HEXA: variants seen among roughly 807,000 people sequenced by gnomAD.
HEXA encodes hexosaminidase subunit alpha.
A neutral mutation model predicts 73.3 loss-of-function variants in HEXA; 54 were observed. That is an observed-to-expected ratio of 0.74 (90% CI 0.59 to 0.92). The LOEUF (loss-of-function observed/expected upper bound fraction) is 0.92, where lower values mean the gene tolerates loss of function less well. Among genes scored for constraint, HEXA ranks in the 40% least tolerant of loss-of-function variants. HEXA has a pLI of 0.00. For missense variants in HEXA, 649 were observed against 653.0 expected (o/e 0.99, Z 0.07); for synonymous variants, 230 against 246.9 (o/e 0.93, Z 0.64).
At chr15:72,359,781 A>C (rs539950851) in intron 1 of HEXA, 6 of 149,586 alleles carry the variant, frequency 4.0e-5, no homozygotes, top group Non-Finnish European at 7.4e-5. Context: ...GAAAATATTT[A>C]CGATTAAAAA....
chr15:72,356,509 A>G lies in HEXA; in HGVS notation c.346+16T>C. ...AGTGTTTGCTCTTCTAAGACAGGGA[A>G]CAGGATGGTACTTACAATTCTCCAC... On this transcript the variant is annotated intron_variant, in intron 2 of 13. Transcript: ENST00000268097. 6.2e-7 allele frequency: 1 copy of G among 1,613,772 alleles called. No homozygotes were observed. The highest frequency in any genetic ancestry group is 8.5e-7 in the Non-Finnish European group (1 of 1,179,820).
intron 1 of HEXA, among the ~76,000 whole-genome samples, chr15:72,361,839 C>T (rs535713856): frequency 4.6e-4 from 70 of 152,354 alleles, no homozygotes; most frequent in Non-Finnish European, 8.7e-4. Context: ...CCCAGCCCCA[C>T]TGGGCCAAAG....
intron 1 of HEXA, chr15:72,358,572 C>T (rs1170849500): frequency 1.3e-5 from 2 of 152,164 alleles, no homozygotes; most frequent in Admixed American, 1.3e-4. Context: ...AATAGGAAAA[C>T]ACTTTTTTTC....
intron 1 of HEXA, among the ~76,000 whole-genome samples, chr15:72,374,498 A>G (rs2089033082): frequency 6.6e-6 from 1 of 152,082 alleles, no homozygotes; most frequent in Non-Finnish European, 1.5e-5. Flanking sequence ...TATATATCAA[A>G]TGATAACTTT....
chr15:72,346,584 T>C lies in HEXA; in HGVS notation c.1273A>G (p.Ile425Val), dbSNP rs2088617363. The C allele has an allele frequency of 1.2e-6, 2 of 1,613,840 alleles. No individual in the cohort carries two copies. The highest frequency in any genetic ancestry group is 4.5e-5 in the East Asian group (2 of 44,884). ...LLSAPWYLNR[I>V]SYGPDWKDFY... ...TCCTTCCAGTCAGGGCCATAGGATA[T>C]ACGGTTCAGGTACCAGGGGGCAGAG... Residue 425 changes from isoleucine to valine, a missense_variant, in exon 11 of 14, where the codon ATA (isoleucine) becomes GTA (valine). Ile to Val is a conservative substitution (Grantham distance 29). Transcript: ENST00000268097.
At chr15:72,346,200 G>A in intron 12 of HEXA, 35 bp downstream of exon 12, 1 of 1,517,072 alleles carries the variant, frequency 6.6e-7, no homozygotes, top group Non-Finnish European at 9.1e-7. Context: ...CTGCTCTCAG[G>A]CCCAACCCTC....
intron 1 of HEXA, among the ~76,000 whole-genome samples, chr15:72,369,663 G>A (rs972991163): frequency 6.6e-6 from 1 of 152,114 alleles, no homozygotes; most frequent in Admixed American, 6.6e-5. Flanking sequence ...TCAGCCTCTG[G>A]AGTAGCTGGG....
In HEXA at chr15:72,343,925, G is replaced by C; in HGVS notation, c.*152C>G. 1.5e-6 allele frequency: 1 copy of C among 664,508 alleles called. No homozygotes were observed. Among genetic ancestry groups the C allele is most frequent in the Non-Finnish European group, 2.7e-6 (1 of 366,644 alleles). 41.2% of individuals were successfully genotyped at this position (664,508 alleles called of 1,614,324 possible). On this transcript the variant is annotated 3_prime_UTR_variant, in exon 14 of 14. Coordinates refer to ENST00000268097, the MANE Select transcript of HEXA (RefSeq NM_000520.6). ...TGCCACATTACTCTTTATTGAATGCGAGCGCCAGCACCGGCCCCTTTCTCT... is the reference window on the plus strand; with the variant it reads ...TGCCACATTACTCTTTATTGAATGCCAGCGCCAGCACCGGCCCCTTTCTCT...
intron 1 of HEXA, among the ~76,000 whole-genome samples, chr15:72,367,011 T>C (rs532413144): frequency 1.3e-5 from 2 of 152,128 alleles, no homozygotes; most frequent in South Asian, 2.1e-4. Context: ...TGGCGCACTC[T>C]CGGCTCACTG....
intron 12 of HEXA, 117 bp from the exon 13 acceptor site, chr15:72,345,667 T>TG: frequency 6.5e-7 from 1 of 1,528,596 alleles, no homozygotes; most frequent in Middle Eastern, 2.2e-4. Context: ...CCAAAGGAAG[T>TG]GATCAATACC....
chr15:72,346,124 C>G (rs2088609230), intron 12 of HEXA, 111 bp downstream of exon 12: 1 of 774,374 alleles, frequency 1.3e-6, no homozygotes, highest in African/African-American at 1.7e-5. Flanking sequence ...TGCTCTCTCT[C>G]AGGCCTGAAA....
intron 13 of HEXA, among the ~76,000 whole-genome samples, chr15:72,344,540 T>A (rs1305679136): frequency 1.3e-5 from 2 of 152,188 alleles, no homozygotes; most frequent in Non-Finnish European, 1.5e-5. Context: ...GTAAATATGG[T>A]GGCACTGGGG....
At chr15:72,353,828 C>T in intron 3 of HEXA, 91 bp from the exon 4 acceptor site, 1 of 933,528 alleles carries the variant, frequency 1.1e-6, no homozygotes, top group South Asian at 1.3e-5. Flanking sequence ...CAGAGCATAA[C>T]ATTTGGGTAC....
intron 11 of HEXA, 85 bp from the exon 12 acceptor site, chr15:72,346,410 C>T: frequency 6.7e-7 from 1 of 1,485,328 alleles, no homozygotes; most frequent in Non-Finnish European, 9.4e-7. Flanking sequence ...GTGGCCCTCA[C>T]CCCAGCTAAG....
chr15:72,344,208 C>G (rs1472533089), intron 13 of HEXA, 68 bp from the exon 14 acceptor site: 1 of 1,077,194 alleles, frequency 9.3e-7, no homozygotes, highest in Non-Finnish European at 1.4e-6. Context: ...ACTTTTCACA[C>G]CAGTCAACAG....
intron 1 of HEXA, chr15:72,358,994 A>C (rs2088819263): frequency 6.6e-6 from 1 of 152,462 alleles, no homozygotes; most frequent in Admixed American, 6.5e-5. Context: ...ACAGTATGGC[A>C]AACAGCCCGG....
chr15:72,350,705 G>C, intron 6 of HEXA, 55 bp from the exon 7 acceptor site: 2 of 1,608,606 alleles, frequency 1.2e-6, no homozygotes, highest in Non-Finnish European at 1.7e-6. Context: ...TAGCAGAGTA[G>C]AAGATACTCA....
rs1013500402 is a variant in HEXA at position 72,342,522 on chromosome 15, T to G, written c.*1555A>C. On this transcript the variant is annotated 3_prime_UTR_variant, in exon 14 of 14. Coordinates refer to ENST00000268097, the MANE Select transcript of HEXA (RefSeq NM_000520.6). ...CCGCCAAGGAAATCCTCACCTAAAA[T>G]GGCTGCGATGCATTACTGCCCCCGC... 3.9e-5 allele frequency: 6 copies of G among 152,204 alleles called. No homozygotes were observed. The highest frequency in any genetic ancestry group is 5.9e-5 in the Non-Finnish European group (4 of 68,084). 9.4% of individuals were successfully genotyped at this position (152,204 alleles called of 1,614,324 possible). A position where few individuals can be genotyped will look rare whatever the true frequency, so the allele number is the denominator to read the frequency against.
chr15:72,362,552 T>G (rs1293377150), intron 1 of HEXA: 1 of 449,440 alleles, frequency 2.2e-6, no homozygotes, highest in African/African-American at 2.0e-5. Flanking sequence ...AGCAAGTAGT[T>G]AATGTAGAGA....
Sources: gnomAD v4.1 joint callset for allele counts (sites outside exome capture counted in the v4.1 genomes callset) on GRCh38, gnomAD v4.1.1 for gene constraint, MANE v1.5 for transcripts, NCBI Gene and HGNC (gene_info 2026-07-23, HGNC 2026-07-21) for gene names.